GMDS: variants seen among roughly 807,000 people sequenced by gnomAD.
GMDS encodes GDP-mannose 4,6-dehydratase, also known as GDP-mannose 4,6 dehydratase.
In GMDS, 20 loss-of-function variants were observed where a neutral mutation model predicts 49.9. That is an observed-to-expected ratio of 0.40 (90% CI 0.28 to 0.58). The LOEUF is 0.58. Among genes scored for constraint, GMDS ranks in the 20% least tolerant of loss-of-function variants. The probability of loss-of-function intolerance (pLI) is 0.42; values close to 1 mark genes in which losing one functional copy is unlikely to be tolerated. For missense variants in GMDS, 362 were observed against 481.4 expected, an observed-to-expected ratio of 0.75 and a Z score of 2.32; for synonymous variants, 177 against 178.6, an observed-to-expected ratio of 0.99 and a Z score of 0.07.
intron 4 of GMDS, among the ~76,000 whole-genome samples, chr6:2,061,491 C>T (rs955041020): frequency 4.0e-5 from 6 of 151,854 alleles, no homozygotes; most frequent in African/African-American, 7.3e-5. Flanking sequence ...TTGAGGCGGT[C>T]GGATCACTTG....
At chr6:1,885,716 C>T (rs1356285307) in intron 7 of GMDS, among the ~76,000 whole-genome samples, 1 of 152,212 alleles carries the variant, frequency 6.6e-6, no homozygotes, top group African/African-American at 2.4e-5. Context: ...CATCTACTTG[C>T]TATTCCCTAC....
chr6:1,854,490 G>A (rs79856750), intron 7 of GMDS, among the ~76,000 whole-genome samples: 8,237 of 152,252 alleles, frequency 0.054, 287 homozygotes, highest in Middle Eastern at 0.11. Flanking sequence ...AACTGGGAGT[G>A]ATTTTATCAC....
intron 7 of GMDS, among the ~76,000 whole-genome samples, chr6:1,896,942 T>A (rs1364789213): frequency 6.6e-6 from 1 of 152,266 alleles, no homozygotes; most frequent in Non-Finnish European, 1.5e-5. Flanking sequence ...GTTGGTGTTG[T>A]AGGGAAGACG....
chr6:1,906,003 C>T (rs1760758811), intron 7 of GMDS, among the ~76,000 whole-genome samples: 1 of 151,796 alleles, frequency 6.6e-6, no homozygotes, highest in African/African-American at 2.4e-5. Flanking sequence ...CCCACCGAGA[C>T]TTTCTTCACA....
chr6:1,723,350 G>A lies in GMDS; in HGVS notation c.987+3066C>T, dbSNP rs990799950. Among the ~76,000 whole-genome samples, 11 of 138,502 alleles carry A rather than the reference G, an allele frequency of 7.9e-5. No homozygotes were observed. In the East Asian group the frequency reaches 1.3e-3, roughly 16 times the overall value. 90.9% of individuals were successfully genotyped at this position (138,502 alleles called of 152,430 possible). On this transcript the variant is annotated intron_variant, in intron 9 of 10. Transcript: ENST00000380815. ...TGGCATTTTTTTTTTTTTTTTAGAC[G>A]GAGTCTCGCTCTGTGGCCCAGGCTG... is the stretch of plus-strand genomic sequence containing the variant.
chr6:1,786,507 G>A (rs1769327171), intron 7 of GMDS, among the ~76,000 whole-genome samples: 1 of 152,218 alleles, frequency 6.6e-6, no homozygotes, highest in South Asian at 2.1e-4. Context: ...GGGCAGGAGG[G>A]GACCTCAGCA....
intron 7 of GMDS, among the ~76,000 whole-genome samples, chr6:1,792,197 C>T (rs1468379994): frequency 6.6e-6 from 1 of 150,958 alleles, no homozygotes; most frequent in African/African-American, 2.4e-5. Flanking sequence ...GATTTCATTC[C>T]TTTCTTTAAA....
chr6:2,151,126 C>T (rs1227256672), intron 1 of GMDS, among the ~76,000 whole-genome samples: 1 of 151,856 alleles, frequency 6.6e-6, no homozygotes, highest in African/African-American at 2.4e-5. Context: ...AACAGGGAGA[C>T]AATCATCAAA....
intron 4 of GMDS, among the ~76,000 whole-genome samples, chr6:2,113,674 G>A (rs764903064): frequency 5.9e-5 from 9 of 151,918 alleles, no homozygotes; most frequent in African/African-American, 1.2e-4. Flanking sequence ...ACCCCCAGAC[G>A]GAAGTTCTCT....
At chr6:2,220,802 A>G (rs1298365171) in intron 1 of GMDS, among the ~76,000 whole-genome samples, 1 of 152,128 alleles carries the variant, frequency 6.6e-6, no homozygotes, top group Non-Finnish European at 1.5e-5. Context: ...TTGTGCTCCC[A>G]AGCACTTCAG....
At chr6:2,175,860 CACA>C (rs1396349617) in intron 1 of GMDS, 1 of 789,746 alleles carries the variant, frequency 1.3e-6, no homozygotes, top group African/African-American at 1.7e-5. Context: ...TTCATGAACC[CACA>C]TAAACAGCCC....
chr6:2,245,481 T>C lies in GMDS; in HGVS notation c.-59A>G. On this transcript the variant is annotated 5_prime_UTR_variant, in exon 1 of 11. Transcript: ENST00000380815. ...GGAGCGCGGCAGAGGGCAGGCGCGG[T>C]GCCGGCAGGAACGCGGGGGTGTGCA... 1 of 997,426 alleles carries C rather than the reference T, an allele frequency of 1.0e-6. No individual in the cohort carries two copies. Among genetic ancestry groups the C allele is most frequent in the Non-Finnish European group, 1.3e-6 (1 of 743,406 alleles). 61.8% of individuals were successfully genotyped at this position (997,426 alleles called of 1,614,324 possible).
intron 7 of GMDS, among the ~76,000 whole-genome samples, chr6:1,903,175 T>C (rs534846278): frequency 6.6e-6 from 1 of 152,342 alleles, no homozygotes; most frequent in Admixed American, 6.5e-5. Flanking sequence ...TATTAGTCTT[T>C]GATGATGTCT....
At chr6:2,098,993 C>CT (rs1773770095) in intron 4 of GMDS, among the ~76,000 whole-genome samples, 1 of 152,044 alleles carries the variant, frequency 6.6e-6, no homozygotes, top group Non-Finnish European at 1.5e-5. Context: ...AAACTTTTAA[C>CT]TATTTTTTTT....
intron 1 of GMDS, among the ~76,000 whole-genome samples, chr6:2,135,555 C>CTTTTTTTTTTTTTT (rs1276419101): frequency 5.3e-5 from 8 of 152,016 alleles, no homozygotes; most frequent in Non-Finnish European, 1.0e-4. Flanking sequence ...ATTTGAGTTT[C>CTTTTTTTTTTTTTT]TATAATCTAG....
At chr6:1,710,189 CTG>C (rs1765894694) in intron 9 of GMDS, among the ~76,000 whole-genome samples, 1 of 152,204 alleles carries the variant, frequency 6.6e-6, no homozygotes, top group Admixed American at 6.5e-5. Context: ...TCCACTCTGC[CTG>C]TCAAGTTGAC....
At chr6:2,021,634 C>T (rs1768282216) in intron 4 of GMDS, among the ~76,000 whole-genome samples, 1 of 152,164 alleles carries the variant, frequency 6.6e-6, no homozygotes, top group South Asian at 2.1e-4. Context: ...AACCTCAGTT[C>T]CTAAAACTCT....
chr6:2,220,475 C>G (rs949191884), intron 1 of GMDS, among the ~76,000 whole-genome samples: 1 of 152,118 alleles, frequency 6.6e-6, no homozygotes, highest in Non-Finnish European at 1.5e-5. Context: ...AGATGTGAGA[C>G]AATAATTGCT....
At chr6:1,779,583 T>A (rs1294002545) in intron 7 of GMDS, among the ~76,000 whole-genome samples, 1 of 151,988 alleles carries the variant, frequency 6.6e-6, no homozygotes, top group Admixed American at 6.5e-5. Flanking sequence ...CCTCCATGAG[T>A]GTGCGTCTGT....
Sources: allele counts gnomAD v4.1 joint callset (sites outside exome capture counted in the v4.1 genomes callset), GRCh38; gene constraint gnomAD v4.1.1; transcripts MANE v1.5; gene names NCBI Gene and HGNC (gene_info 2026-07-23, HGNC 2026-07-21).